Variants in CALN1 observed in about 807,000 individuals in gnomAD.
The protein encoded by CALN1 is calneuron 1, also known as calcium-binding protein 8.
A neutral mutation model predicts 30.6 loss-of-function variants in CALN1; 17 were observed. The observed-to-expected ratio is 0.56, with a 90% CI of 0.38 to 0.83. The LOEUF (loss-of-function observed/expected upper bound fraction) is 0.83. CALN1 is among the 40% of genes least tolerant of loss of function. The pLI is 0.00. For synonymous variants in CALN1, 156 were observed against 131.4 expected (o/e 1.19, Z -1.28); for missense variants, 291 against 354.9 (o/e 0.82, Z 1.45).
At chr7:72,410,726 A>G (rs1807067252) in intron 1 of CALN1, among the ~76,000 whole-genome samples, 1 of 152,220 alleles carries the variant, frequency 6.6e-6, no homozygotes, top group South Asian at 2.1e-4. Flanking sequence ...ATTGAAAATC[A>G]GAGTAAAATA....
chr7:72,129,445 G>T (rs1808989658), intron 3 of CALN1, among the ~76,000 whole-genome samples: 1 of 152,126 alleles, frequency 6.6e-6, no homozygotes, highest in African/African-American at 2.4e-5. Context: ...TGCGGTGTGT[G>T]TGTGCGTTAT....
chr7:72,275,749 T>C (rs1056113931), intron 3 of CALN1, among the ~76,000 whole-genome samples: 3 of 152,186 alleles, frequency 2.0e-5, no homozygotes, highest in Admixed American at 1.3e-4. Flanking sequence ...CTCGCTAATC[T>C]ACATACTGAA....
rs540629710 is a variant in CALN1 at position 72,101,898 on chromosome 7, T to G, written c.388+4253A>C. ...GCTTTTCAGAGGGAAAGGGTATGTG[T>G]TAACAAAACAAAACAAAGAGGCCTC... On this transcript the variant is annotated intron_variant, in intron 4 of 6. Transcript: ENST00000395275. Among the ~76,000 whole-genome samples, 145 of 152,284 alleles carry G rather than the reference T, an allele frequency of 9.5e-4. 1 individual carries two copies. Among genetic ancestry groups the G allele is most frequent in the Non-Finnish European group, 8.8e-5 (6 of 68,016 alleles).
chr7:72,112,911 C>T (rs1041587355), intron 3 of CALN1, among the ~76,000 whole-genome samples: 1 of 152,116 alleles, frequency 6.6e-6, no homozygotes, highest in African/African-American at 2.4e-5. Flanking sequence ...TGAGGAAGGG[C>T]TGTTGGGGTT....
At chr7:72,226,849 C>T (rs1321095786) in intron 3 of CALN1, among the ~76,000 whole-genome samples, 2 of 152,090 alleles carry the variant, frequency 1.3e-5, no homozygotes, top group Non-Finnish European at 2.9e-5. Flanking sequence ...TCGAGACCAG[C>T]CTGGCCAACA....
At chr7:72,022,442 G>C (rs1490319965) in intron 5 of CALN1, among the ~76,000 whole-genome samples, 1 of 152,228 alleles carries the variant, frequency 6.6e-6, no homozygotes. Flanking sequence ...GCCCATGCTA[G>C]AGTGCAGTGG....
intron 2 of CALN1, among the ~76,000 whole-genome samples, chr7:72,327,504 A>C (rs1254218877): frequency 6.6e-6 from 1 of 152,142 alleles, no homozygotes; most frequent in Non-Finnish European, 1.5e-5. Flanking sequence ...TAAATAAATA[A>C]ACGAACACTT....
intron 3 of CALN1, among the ~76,000 whole-genome samples, chr7:72,258,342 C>A (rs936479972): frequency 6.6e-6 from 1 of 152,062 alleles, no homozygotes. Flanking sequence ...ATTTCTGATA[C>A]CCTGAAAAAG....
chr7:72,181,102 C>CGA (rs940531792), intron 3 of CALN1, among the ~76,000 whole-genome samples: 3 of 83,812 alleles, frequency 3.6e-5, no homozygotes, highest in African/African-American at 1.3e-4. Context: ...CATAACCCCC[C>CGA]CCCCCCCCAA....
chr7:71,888,432 CGAGAGA>C (rs113040770), intron 5 of CALN1, among the ~76,000 whole-genome samples: 15 of 128,398 alleles, frequency 1.2e-4, no homozygotes, highest in African/African-American at 4.5e-4. Context: ...AAGCCATTAT[CGAGAGA>C]GAGAGAGAAA....
intron 2 of CALN1, among the ~76,000 whole-genome samples, chr7:72,306,363 CATCT>C (rs1036044299): frequency 6.6e-6 from 1 of 152,100 alleles, no homozygotes; most frequent in African/African-American, 2.4e-5. Flanking sequence ...AAACATTTGT[CATCT>C]ATCTATCTGT....
At chr7:72,473,462 T>C in the CALN1 span, among the ~76,000 whole-genome samples, 3 of 152,164 alleles carry the variant, frequency 2.0e-5, no homozygotes, top group African/African-American at 7.2e-5. Context: ...TAACTCCCTC[T>C]TCAACGAGAT....
intron 4 of CALN1, among the ~76,000 whole-genome samples, chr7:72,077,217 A>G (rs925374838): frequency 6.6e-6 from 1 of 152,180 alleles, no homozygotes; most frequent in Non-Finnish European, 1.5e-5. Context: ...TGGAATTCAC[A>G]GTTCTGAAAT....
chr7:72,180,668 C>G (rs1789711971), intron 3 of CALN1, among the ~76,000 whole-genome samples: 1 of 143,098 alleles, frequency 7.0e-6, no homozygotes, highest in African/African-American at 2.6e-5. Flanking sequence ...AGTGCAGTGG[C>G]ACCATCATAG....
At chr7:71,971,303 A>G (rs1370059340) in intron 5 of CALN1, among the ~76,000 whole-genome samples, 1 of 151,976 alleles carries the variant, frequency 6.6e-6, no homozygotes, top group East Asian at 1.9e-4. Flanking sequence ...ACAAAAAATT[A>G]GCTGGGCATG....
chr7:72,215,562 C>G (rs1444176695), intron 3 of CALN1, among the ~76,000 whole-genome samples: 1 of 136,384 alleles, frequency 7.3e-6, no homozygotes, highest in East Asian at 2.5e-4. Flanking sequence ...CCACTGCACT[C>G]TAGCTGGGTG....
intron 5 of CALN1, among the ~76,000 whole-genome samples, chr7:71,979,606 T>C (rs145632496): frequency 6.6e-6 from 1 of 152,242 alleles, no homozygotes; most frequent in East Asian, 1.9e-4. Flanking sequence ...CACCCACCTC[T>C]CACCTCTTGC....
chr7:72,269,444 T>A (rs1424973115), intron 3 of CALN1, among the ~76,000 whole-genome samples: 1 of 151,730 alleles, frequency 6.6e-6, no homozygotes, highest in Non-Finnish European at 1.5e-5. Context: ...CACCTATGAG[T>A]GAGAACATGC....
chr7:72,290,585 C>T (rs1405683437), intron 2 of CALN1, among the ~76,000 whole-genome samples: 2 of 152,204 alleles, frequency 1.3e-5, no homozygotes, highest in Admixed American at 1.3e-4. Context: ...TACTAAATCC[C>T]CTCCTGCTTA....
Sources: allele counts gnomAD v4.1 joint callset (sites outside exome capture counted in the v4.1 genomes callset), GRCh38; gene constraint gnomAD v4.1.1; transcripts MANE v1.5; gene names NCBI Gene and HGNC (gene_info 2026-07-23, HGNC 2026-07-21).